NPSR1: variants seen among roughly 807,000 people sequenced by gnomAD.
NPSR1 encodes the protein neuropeptide S receptor.
Under a neutral mutation model 46.9 loss-of-function variants are expected in NPSR1, and 48 were observed. That is an observed-to-expected ratio of 1.02 (90% CI 0.81 to 1.30). The LOEUF is 1.30. Ranked by LOEUF, NPSR1 falls within the 50% of genes most tolerant of loss-of-function variation. NPSR1 has a pLI of 0.00. For missense variants in NPSR1, 450 were observed against 449.5 expected, an observed-to-expected ratio of 1.00 and a Z score of -0.01; for synonymous variants, 176 against 168.1, an observed-to-expected ratio of 1.05 and a Z score of -0.36.
chr7:34,825,293 G>A (rs1450528906), intron 4 of NPSR1, among the ~76,000 whole-genome samples: 1 of 152,178 alleles, frequency 6.6e-6, no homozygotes, highest in African/African-American at 2.4e-5. Context: ...CCCTCATCCA[G>A]TGAAGATGTT....
chr7:34,676,541 G>C (rs1244275057), intron 1 of NPSR1, among the ~76,000 whole-genome samples: 6 of 152,096 alleles, frequency 3.9e-5, no homozygotes, highest in Admixed American at 2.0e-4. Context: ...GGTGGGGAGG[G>C]GGACATGCAC....
intron 2 of NPSR1, among the ~76,000 whole-genome samples, chr7:34,749,769 C>G (rs925125455): frequency 6.6e-6 from 1 of 152,216 alleles, no homozygotes; most frequent in Non-Finnish European, 1.5e-5. Context: ...AGGTTTCCGT[C>G]ATATTCCAAG....
chr7:34,691,788 A>G (rs377400812), intron 2 of NPSR1, among the ~76,000 whole-genome samples: 15 of 151,664 alleles, frequency 9.9e-5, no homozygotes, highest in East Asian at 7.7e-4. Flanking sequence ...TGACATCAGT[A>G]GACAGATCAT....
At chr7:34,807,652 T>C (rs574767731) in intron 3 of NPSR1, among the ~76,000 whole-genome samples, 5 of 152,178 alleles carry the variant, frequency 3.3e-5, no homozygotes, top group African/African-American at 9.7e-5. Flanking sequence ...ATTTTTCTCT[T>C]TTAAACAGCA....
intron 4 of NPSR1, 32 bp downstream of exon 4, chr7:34,811,895 A>C (rs769943478): frequency 1.4e-6 from 2 of 1,432,872 alleles, no homozygotes; most frequent in South Asian, 1.1e-5. Flanking sequence ...CTCTTTCATA[A>C]AGAACTGTCC....
chr7:34,832,214 T>C (rs2128758686), intron 5 of NPSR1, among the ~76,000 whole-genome samples: 1 of 152,292 alleles, frequency 6.6e-6, no homozygotes, highest in African/African-American at 2.4e-5. Flanking sequence ...TTATCTGCAA[T>C]CTGATTGATC....
intron 2 of NPSR1, chr7:34,719,203 T>C (rs995804200): frequency 6.6e-6 from 1 of 152,322 alleles, no homozygotes; most frequent in Non-Finnish European, 1.5e-5. Flanking sequence ...GGAGGATTAA[T>C]AGAATGTGGA....
chr7:34,727,565 T>C (rs1784221359), intron 2 of NPSR1, among the ~76,000 whole-genome samples: 1 of 152,224 alleles, frequency 6.6e-6, no homozygotes, highest in Non-Finnish European at 1.5e-5. Flanking sequence ...CACAATATCT[T>C]GTTCACTTTT....
At chr7:34,818,241 CG>C (rs1428603923) in intron 4 of NPSR1, among the ~76,000 whole-genome samples, 2 of 151,890 alleles carry the variant, frequency 1.3e-5, no homozygotes, top group Non-Finnish European at 2.9e-5. Flanking sequence ...AAAATCAATG[CG>C]CAAAAATCAC....
intron 2 of NPSR1, among the ~76,000 whole-genome samples, chr7:34,717,887 C>T (rs1056577175): frequency 6.6e-6 from 1 of 152,206 alleles, no homozygotes; most frequent in Non-Finnish European, 1.5e-5. Context: ...AATCGCTGCC[C>T]TTCTCTTTAC....
intron 3 of NPSR1, among the ~76,000 whole-genome samples, chr7:34,806,374 G>A (rs1788699597): frequency 6.6e-6 from 1 of 152,070 alleles, no homozygotes; most frequent in African/African-American, 2.4e-5. Flanking sequence ...AGACATGGAG[G>A]AATCTTAAAT....
chr7:34,713,109 A>G (rs544390780), intron 2 of NPSR1, among the ~76,000 whole-genome samples: 1 of 152,228 alleles, frequency 6.6e-6, no homozygotes, highest in Non-Finnish European at 1.5e-5. Flanking sequence ...GTTAAGAAGG[A>G]ACACAGACTG....
At chr7:34,827,638 T>TGGGCCAGGGGGGGGGGG in intron 5 of NPSR1, 36 bp downstream of exon 5, 1 of 179,984 alleles carries the variant, frequency 5.6e-6, no homozygotes, top group Non-Finnish European at 1.1e-5. Flanking sequence ...CACGGGGGGG[T>TGGGCCAGGGGGGGGGGG]GGGGCGGGGG....
At chr7:34,870,964 A>T (rs1791440908) in intron 8 of NPSR1, among the ~76,000 whole-genome samples, 1 of 151,786 alleles carries the variant, frequency 6.6e-6, no homozygotes, top group South Asian at 2.1e-4. Flanking sequence ...GGAAGGGTAG[A>T]TGAACAGATA....
intron 5 of NPSR1, among the ~76,000 whole-genome samples, chr7:34,831,328 C>T (rs937492873): frequency 6.6e-6 from 1 of 151,984 alleles, no homozygotes; most frequent in African/African-American, 2.4e-5. Flanking sequence ...CACACACACA[C>T]ACACACACAC....
At chr7:34,811,929 C>G in intron 4 of NPSR1, 66 bp downstream of exon 4, 1 of 997,582 alleles carries the variant, frequency 1.0e-6, no homozygotes, top group East Asian at 2.5e-5. Flanking sequence ...GGATCATTTT[C>G]ACTAATATTT....
At chr7:34,667,198 C>T (rs1435327352) in intron 1 of NPSR1, among the ~76,000 whole-genome samples, 1 of 152,196 alleles carries the variant, frequency 6.6e-6, no homozygotes, top group Non-Finnish European at 1.5e-5. Flanking sequence ...ACCTGGCAGG[C>T]AGGTGTGGAC....
intron 2 of NPSR1, 57 bp from the exon 3 acceptor site, chr7:34,778,405 T>C: frequency 1.9e-6 from 2 of 1,080,710 alleles, no homozygotes; most frequent in Non-Finnish European, 2.7e-6. Flanking sequence ...AGCTGCAAAT[T>C]TGAAAAATAA....
At chr7:34,662,187 TAAC>T (rs2128668875) in intron 1 of NPSR1, among the ~76,000 whole-genome samples, 1 of 152,064 alleles carries the variant, frequency 6.6e-6, no homozygotes, top group African/African-American at 2.4e-5. Context: ...TATCACCTAA[TAAC>T]AATCTTTTAT....
Sources: allele counts gnomAD v4.1 joint callset (sites outside exome capture counted in the v4.1 genomes callset), GRCh38; gene constraint gnomAD v4.1.1; transcripts MANE v1.5; gene names NCBI Gene and HGNC (gene_info 2026-07-23, HGNC 2026-07-21).